The following DCLK1 variants were observed in gnomAD, a reference collection of about 807,000 sequenced individuals.
DCLK1 encodes serine/threonine-protein kinase DCLK1.
Under a neutral mutation model 86.2 loss-of-function variants are expected in DCLK1, and 16 were observed. That is an observed-to-expected ratio of 0.19 (90% CI 0.13 to 0.28). DCLK1 has a LOEUF of 0.28. Ranked by LOEUF, DCLK1 falls within the 10% of genes least tolerant of loss-of-function variation. DCLK1 has a pLI of 1.00. For synonymous variants in DCLK1, 369 were observed against 370.5 expected (o/e 1.00, Z 0.05); for missense variants, 590 against 940.2 (o/e 0.63, Z 4.87).
At chr13:36,062,789 G>C (rs892600872) in intron 3 of DCLK1, among the ~76,000 whole-genome samples, 24 of 152,250 alleles carry the variant, frequency 1.6e-4, no homozygotes, top group African/African-American at 4.8e-4. Flanking sequence ...GACTAGACTG[G>C]ATCTACCTTA....
chr13:35,924,817 T>A (rs1876021006), intron 4 of DCLK1, among the ~76,000 whole-genome samples: 1 of 152,188 alleles, frequency 6.6e-6, no homozygotes, highest in Non-Finnish European at 1.5e-5. Flanking sequence ...CAGCTAACTA[T>A]AGCCTGAAAG....
chr13:36,016,496 G>C (rs756473989), intron 3 of DCLK1, among the ~76,000 whole-genome samples: 1 of 152,042 alleles, frequency 6.6e-6, no homozygotes, highest in African/African-American at 2.4e-5. Flanking sequence ...TCAGGCTAAC[G>C]GAGCATACAC....
chr13:36,062,628 A>T (rs1883592629), intron 3 of DCLK1, among the ~76,000 whole-genome samples: 1 of 152,214 alleles, frequency 6.6e-6, no homozygotes, highest in South Asian at 2.1e-4. Flanking sequence ...AATTACATAA[A>T]GTGGCTGCCT....
At chr13:36,006,169 A>T (rs1880946465) in intron 3 of DCLK1, among the ~76,000 whole-genome samples, 1 of 152,212 alleles carries the variant, frequency 6.6e-6, no homozygotes, top group South Asian at 2.1e-4. Flanking sequence ...GTATCCCAGA[A>T]CTTAAAAGAA....
intron 3 of DCLK1, 70 bp from the exon 4 acceptor site, chr13:35,947,527 C>T (rs1013371788): frequency 1.1e-5 from 14 of 1,269,512 alleles, no homozygotes; most frequent in Non-Finnish European, 1.6e-5. Flanking sequence ...ACCCCACGAG[C>T]AGACATCTGC....
chr13:36,124,733 C>T (rs893275980), intron 2 of DCLK1, among the ~76,000 whole-genome samples: 1 of 152,182 alleles, frequency 6.6e-6, no homozygotes, highest in Admixed American at 6.5e-5. Context: ...TAAAAATGAA[C>T]TCAAGGTGAA....
At chr13:35,979,850 C>A (rs1359079933) in intron 3 of DCLK1, among the ~76,000 whole-genome samples, 1 of 152,184 alleles carries the variant, frequency 6.6e-6, no homozygotes, top group African/African-American at 2.4e-5. Flanking sequence ...ATTCTCTGAG[C>A]AGCTCTGGCA....
At chr13:35,796,514 GT>G (rs1443982263) in intron 15 of DCLK1, among the ~76,000 whole-genome samples, 1 of 152,136 alleles carries the variant, frequency 6.6e-6, no homozygotes, top group Non-Finnish European at 1.5e-5. Flanking sequence ...GGGGAGGGAA[GT>G]TAGAAGAGCA....
At chr13:35,829,818 G>A (rs991728130) in intron 8 of DCLK1, among the ~76,000 whole-genome samples, 1 of 152,198 alleles carries the variant, frequency 6.6e-6, no homozygotes, top group East Asian at 1.9e-4. Context: ...CCCTCCTGCA[G>A]ATATGCGGCT....
At chr13:36,008,220 TATTA>T (rs1343608081) in intron 3 of DCLK1, among the ~76,000 whole-genome samples, 2,114 of 35,154 alleles carry the variant, frequency 0.06, 49 homozygotes, top group East Asian at 0.13. Context: ...TTATTATTAT[TATTA>T]TTATTTTTTT....
chr13:36,002,942 C>A (rs1880784886), intron 3 of DCLK1, among the ~76,000 whole-genome samples: 1 of 152,160 alleles, frequency 6.6e-6, no homozygotes, highest in East Asian at 1.9e-4. Context: ...TCAGGGCAGT[C>A]CCCTGCCCTG....
Position 35,769,269 on chromosome 13 carries a change from T to C in DCLK1, c.*5266A>G, listed in dbSNP as rs2086286624. 6.6e-6 allele frequency: 1 copy of C among 152,214 alleles called. No individual in the cohort carries two copies. The allele number at this position is 152,214 out of a possible 1,614,324, so 9.4% of individuals were successfully genotyped here. A position where few individuals can be genotyped will look rare whatever the true frequency, so the allele number is the denominator to read the frequency against. On this transcript the variant is annotated 3_prime_UTR_variant, in exon 17 of 17. Coordinates refer to ENST00000360631, the MANE Select transcript of DCLK1 (RefSeq NM_001330071.2). Reference sequence around the variant, plus strand: ...CATGCAGCAAGTGATAAATTCAGTATTTTCAAAAGAAATATTGAATTTTTT... The same window carrying C: ...CATGCAGCAAGTGATAAATTCAGTACTTTCAAAAGAAATATTGAATTTTTT...
At chr13:36,053,123 A>G (rs148695402) in intron 3 of DCLK1, among the ~76,000 whole-genome samples, 391 of 152,300 alleles carry the variant, frequency 2.6e-3, no homozygotes, top group African/African-American at 8.9e-3. Flanking sequence ...TGCTAAGTAA[A>G]CAAGTATTAA....
At chr13:35,887,629 T>C (rs1171064) in intron 4 of DCLK1, among the ~76,000 whole-genome samples, 30,568 of 152,040 alleles carry the variant, frequency 0.2, 3,301 homozygotes, top group East Asian at 0.39. Flanking sequence ...ACAAAACTTC[T>C]AGTTTCCTAT....
At chr13:35,883,073 C>G (rs1015472599) in intron 4 of DCLK1, among the ~76,000 whole-genome samples, 6 of 152,098 alleles carry the variant, frequency 3.9e-5, no homozygotes, top group Non-Finnish European at 8.8e-5. Flanking sequence ...CTGAAGGAAA[C>G]AGAGGAAAGC....
At chr13:35,888,818 G>A (rs1873457276) in intron 4 of DCLK1, among the ~76,000 whole-genome samples, 1 of 152,184 alleles carries the variant, frequency 6.6e-6, no homozygotes, top group South Asian at 2.1e-4. Context: ...TAGATAACTT[G>A]CTGTTGGTGG....
chr13:36,008,222 TTATTA>T (rs1300808199), intron 3 of DCLK1, among the ~76,000 whole-genome samples: 20 of 8,970 alleles, frequency 2.2e-3, no homozygotes, highest in South Asian at 6.9e-3. Context: ...ATTATTATTA[TTATTA>T]TTTTTTTAAT....
intron 11 of DCLK1, among the ~76,000 whole-genome samples, chr13:35,814,302 T>C (rs1298884710): frequency 6.6e-6 from 1 of 152,152 alleles, no homozygotes; most frequent in Non-Finnish European, 1.5e-5. Flanking sequence ...CAAAACCATC[T>C]CCAGAAAGTA....
intron 3 of DCLK1, among the ~76,000 whole-genome samples, chr13:36,076,642 T>C (rs902025163): frequency 1.3e-5 from 2 of 152,196 alleles, no homozygotes; most frequent in African/African-American, 4.8e-5. Context: ...TGAAATTCTA[T>C]TAATTCAATG....
Sources: gnomAD v4.1 joint callset for allele counts (sites outside exome capture counted in the v4.1 genomes callset) on GRCh38, gnomAD v4.1.1 for gene constraint, MANE v1.5 for transcripts, NCBI Gene and HGNC (gene_info 2026-07-23, HGNC 2026-07-21) for gene names.